The following STAU1 variants were observed in gnomAD, a reference collection of about 807,000 sequenced individuals.
STAU1 encodes staufen double-stranded RNA binding protein 1.
STAU1 carries 13 observed loss-of-function variants against 62.9 expected under a neutral mutation model. That is an observed-to-expected ratio of 0.21 (90% CI 0.13 to 0.33). The LOEUF is 0.33. Ranked by LOEUF, STAU1 falls within the 10% of genes least tolerant of loss-of-function variation. The probability of loss-of-function intolerance (pLI) is 1.00; values close to 1 mark genes in which losing one functional copy is unlikely to be tolerated. For synonymous variants in STAU1, 269 were observed against 265.1 expected (o/e 1.01, Z -0.14); for missense variants, 571 against 712.1 (o/e 0.80, Z 2.25).
chr20:49,214,531 A>AG, the STAU1 span, among the ~76,000 whole-genome samples: 2 of 144,834 alleles, frequency 1.4e-5, no homozygotes, highest in African/African-American at 2.6e-5. Context: ...AAAAAAAAAA[A>AG]AACAATAACA....
At chr20:49,179,694 C>A (rs189022727) in intron 1 of STAU1, among the ~76,000 whole-genome samples, 1 of 152,290 alleles carries the variant, frequency 6.6e-6, no homozygotes, top group East Asian at 1.9e-4. Flanking sequence ...AAAATTCATG[C>A]CTCAGTTAAT....
chr20:49,124,767 T>C (rs1467058717), intron 6 of STAU1, among the ~76,000 whole-genome samples, 180 bp from the exon 7 acceptor site: 2 of 152,148 alleles, frequency 1.3e-5, no homozygotes, highest in Non-Finnish European at 2.9e-5. Context: ...CTTCTCAAAC[T>C]GGTTTATGCT....
intron 3 of STAU1, chr20:49,159,081 C>A: frequency 8.2e-7 from 1 of 1,218,940 alleles, no homozygotes; most frequent in Non-Finnish European, 1.1e-6. Context: ...CAGAAGCCTG[C>A]AACGCAGTAC....
In STAU1 at chr20:49,124,321, C is replaced by G. The variant is rs532388903; in HGVS notation, c.822+54G>C. 1.8e-5 allele frequency: 28 copies of G among 1,576,670 alleles called. No individual in the cohort carries two copies. The East Asian group carries it at 5.8e-4, about 33-fold the overall frequency. On this transcript the variant is annotated intron_variant, in intron 7 of 13. Transcript: ENST00000371856. Reference sequence around the variant, plus strand: ...GGGACAGCGACCAGCCTTCTAAACCCCCCACCCATCTATAAGTAATGAAAA... The same window carrying G: ...GGGACAGCGACCAGCCTTCTAAACCGCCCACCCATCTATAAGTAATGAAAA...
the STAU1 span, chr20:49,219,166 C>A: frequency 1.7e-6 from 1 of 577,686 alleles, no homozygotes; most frequent in East Asian, 3.0e-5. Flanking sequence ...ACTCTTTAGA[C>A]TCTCTCACCC....
At chr20:49,205,676 CTTT>C in the STAU1 span, among the ~76,000 whole-genome samples, 1 of 116,596 alleles carries the variant, frequency 8.6e-6, no homozygotes. Context: ...AGTTAGCTTT[CTTT>C]TTTTTTTTTT....
intron 5 of STAU1, among the ~76,000 whole-genome samples, chr20:49,138,734 A>G (rs2092944343): frequency 6.6e-6 from 1 of 152,070 alleles, no homozygotes. Context: ...ACTGGGCTCA[A>G]GCAACCCTCC....
chr20:49,134,533 C>T, intron 6 of STAU1: 1 of 1,260,862 alleles, frequency 7.9e-7, no homozygotes, highest in Non-Finnish European at 1.1e-6. Flanking sequence ...TCATCGGAAA[C>T]ATAGCACTGT....
At chr20:49,189,857 C>A (rs974504324), upstream of STAU1, among the ~76,000 whole-genome samples, 2 of 152,078 alleles carry the variant, frequency 1.3e-5, no homozygotes, top group Admixed American at 1.3e-4. Context: ...AATATAAATT[C>A]AAAATACGAG....
upstream of STAU1, among the ~76,000 whole-genome samples, chr20:49,189,462 C>T (rs980427114): frequency 6.6e-6 from 1 of 150,822 alleles, no homozygotes; most frequent in African/African-American, 2.4e-5. Context: ...TGGTGAAACC[C>T]CGTCTCTACT....
intron 1 of STAU1, 24 bp downstream of exon 1, chr20:49,188,092 C>G (rs2093814518): frequency 6.6e-6 from 1 of 151,232 alleles, no homozygotes; most frequent in African/African-American, 2.4e-5. Flanking sequence ...CCCCACCAGG[C>G]CCGGCCCGGC....
chr20:49,114,841 T>C lies in STAU1; in HGVS notation c.*37A>G, dbSNP rs1174798881. On this transcript the variant is annotated 3_prime_UTR_variant, in exon 14 of 14. Coordinates refer to ENST00000371856, the MANE Select transcript of STAU1 (RefSeq NM_017453.4). ...GCAGTTTCAGTATTTTCAGTATATATGTTGGGATTTTATAATGGTTCATGG... is the reference window on the plus strand; with the variant it reads ...GCAGTTTCAGTATTTTCAGTATATACGTTGGGATTTTATAATGGTTCATGG... The C allele has an allele frequency of 4.4e-6, 7 of 1,608,328 alleles. No individual in the cohort carries two copies. Among genetic ancestry groups the C allele is most frequent in the Admixed American group, 1.7e-5 (1 of 59,800 alleles).
chr20:49,216,007 C>CAAAAAAAAAAAAAAAAAAAAAAAAA, the STAU1 span, among the ~76,000 whole-genome samples: 6 of 36,452 alleles, frequency 1.6e-4, no homozygotes, highest in Non-Finnish European at 3.1e-4. Context: ...GACTATGTCT[C>CAAAAAAAAAAAAAAAAAAAAAAAAA]AAAAAAAAAA....
chr20:49,174,708 C>T (rs1460136115), intron 1 of STAU1, among the ~76,000 whole-genome samples: 2 of 152,062 alleles, frequency 1.3e-5, no homozygotes, highest in South Asian at 2.1e-4. Flanking sequence ...GAGGCCGAGG[C>T]GGGTGGATCA....
At position 49,117,832 on chromosome 20, in the gene STAU1, G is replaced by C. The variant is rs773116338; in HGVS notation, c.1454C>G (p.Pro485Arg). ...CAGTTGCTCAGAGGGTCTCGTGAGA[G>C]GTCCATGGGGTACGTGGCCTGAAGA... is the stretch of plus-strand genomic sequence containing the variant. ...NISSGHVPHG[P>R]LTRPSEQLDY... The change falls in exon 11 of 14, where the codon CCT becomes CGT. Residue 485 changes from proline to arginine, a missense_variant. By Grantham distance (103) the Pro-to-Arg change is moderately radical. Transcript: ENST00000371856. This position sits in a 1 kb window ranked among gnomAD's most constrained non-coding sequence, Gnocchi z 4.6. 7 of 1,614,018 alleles carry C rather than the reference G, an allele frequency of 4.3e-6. No individual in the cohort carries two copies. Among genetic ancestry groups the C allele is most frequent in the Non-Finnish European group, 8.5e-7 (1 of 1,180,040 alleles).
At chr20:49,128,461 A>C (rs1013086583) in intron 6 of STAU1, among the ~76,000 whole-genome samples, 2 of 152,196 alleles carry the variant, frequency 1.3e-5, no homozygotes, top group Non-Finnish European at 2.9e-5. Flanking sequence ...ACTCCCAATT[A>C]GAAGGAACCG....
intron 3 of STAU1, among the ~76,000 whole-genome samples, chr20:49,161,473 T>C (rs556830786): frequency 6.6e-6 from 1 of 152,214 alleles, no homozygotes; most frequent in African/African-American, 2.4e-5. Context: ...AACATGTATT[T>C]TGAATTACAG....
intron 1 of STAU1, among the ~76,000 whole-genome samples, chr20:49,177,370 T>C (rs2093672773): frequency 6.6e-6 from 1 of 151,968 alleles, no homozygotes; most frequent in Non-Finnish European, 1.5e-5. Context: ...ACCCTGTCTC[T>C]ATTAAAATAA....
At position 49,117,376 on chromosome 20, in the gene STAU1, T is replaced by A; in HGVS notation, c.1510-128A>T. On this transcript the variant is annotated intron_variant, in intron 11 of 13. Transcript: ENST00000371856. The surrounding 1 kb of genome is among the most constrained non-coding windows in gnomAD (Gnocchi z 4.6). ...TTCCAACTCAGCCCCACTGTGGCCA[T>A]ACTAACACCTGCCCTGTCAGCCCAG... The A allele has an allele frequency of 8.6e-7, 1 of 1,159,002 alleles. No individual in the cohort carries two copies. The highest frequency in any genetic ancestry group is 1.5e-5 in the South Asian group (1 of 68,592). 71.8% of individuals were successfully genotyped at this position (1,159,002 alleles called of 1,614,324 possible).
Sources: allele counts gnomAD v4.1 joint callset (sites outside exome capture counted in the v4.1 genomes callset), GRCh38; gene constraint gnomAD v4.1.1; non-coding constraint Gnocchi (gnomAD v3.1); transcripts MANE v1.5; gene names NCBI Gene and HGNC (gene_info 2026-07-23, HGNC 2026-07-21).